The following HTT variants were observed in gnomAD, a reference collection of about 807,000 sequenced individuals.
The protein encoded by HTT is huntington disease protein.
Under a neutral mutation model 362.3 loss-of-function variants are expected in HTT, and 104 were observed. The ratio of observed to expected loss-of-function variants is 0.29; its 90% confidence interval spans 0.24 to 0.34. HTT has a LOEUF of 0.34. HTT is among the 10% of genes least tolerant of loss of function. HTT has a pLI of 1.00. For synonymous variants in HTT, 1,577 were observed against 1,548.7 expected (o/e 1.02, Z -0.43); for missense variants, 3,301 against 3,928.6 (o/e 0.84, Z 4.27).
In HTT at chr4:3,233,555, G is replaced by A. The variant is rs987868007; in HGVS notation, c.8456+202G>A. Among the ~76,000 whole-genome samples the A allele has an allele frequency of 3.3e-5, 5 of 152,210 alleles. No individual in the cohort carries two copies. The South Asian group carries it at 6.2e-4, about 19-fold the overall frequency. ...AGAGGCTTCCTCGGGCACCTCCAGC[G>A]AGCTGGAGCTCTCGCCTCTGCTGCT... On this transcript the variant is annotated intron_variant, in intron 61 of 66. Coordinates refer to ENST00000355072, the MANE Select transcript of HTT (RefSeq NM_001388492.1).
At chr4:3,127,707 T>C in intron 12 of HTT, 103 bp downstream of exon 12, 2 of 820,128 alleles carry the variant, frequency 2.4e-6, no homozygotes, top group Non-Finnish European at 3.8e-6. Flanking sequence ...CTCATGCCTG[T>C]AATCCCAGCA....
At chr4:3,223,233 C>T (rs868135385) in intron 54 of HTT, among the ~76,000 whole-genome samples, 173 bp from the exon 55 acceptor site, 22 of 152,222 alleles carry the variant, frequency 1.4e-4, no homozygotes, top group African/African-American at 4.8e-4. Flanking sequence ...TTTCAGGGCC[C>T]GTGTGTGCGG....
At chr4:3,145,300 C>A in intron 24 of HTT, 72 bp downstream of exon 24, 1 of 1,066,438 alleles carries the variant, frequency 9.4e-7, no homozygotes, top group South Asian at 1.3e-5. Context: ...ATTAGGATGC[C>A]CTTTTTCTTT....
At chr4:3,231,516 C>T (rs938496560) in intron 60 of HTT, among the ~76,000 whole-genome samples, 1 of 152,180 alleles carries the variant, frequency 6.6e-6, no homozygotes, top group Non-Finnish European at 1.5e-5. Context: ...ATGTCCGTGA[C>T]CTGGAGCCTG....
At chr4:3,115,192 G>A in intron 6 of HTT, 112 bp from the exon 7 acceptor site, 1 of 1,131,310 alleles carries the variant, frequency 8.8e-7, no homozygotes, top group Admixed American at 2.5e-5. Context: ...GCCTCAAACT[G>A]TTTATACTTT....
Position 3,132,812 on chromosome 4 carries a change from A to C in HTT, c.2396-2A>C. 1 of 1,613,878 alleles carries C rather than the reference A, an allele frequency of 6.2e-7. No individual in the cohort carries two copies. Among genetic ancestry groups the C allele is most frequent in the Non-Finnish European group, 8.5e-7 (1 of 1,179,704 alleles). On this transcript the variant is annotated splice_acceptor_variant, in intron 17 of 66. Transcript: ENST00000355072. LOFTEE classifies it high-confidence loss of function. ...ATGTTTGTTGCTTGTTCTTCTGGTT[A>C]GGAAATACATTTTCTTTGGCGGATT...
At chr4:3,143,553 C>T (rs900748194) in intron 23 of HTT, among the ~76,000 whole-genome samples, 3 of 150,820 alleles carry the variant, frequency 2.0e-5, no homozygotes, top group African/African-American at 7.3e-5. Flanking sequence ...GTAATATATA[C>T]TAAGGGAAAA....
In HTT at chr4:3,209,807, A is replaced by T. The variant is rs1316680633; in HGVS notation, c.6292-20A>T. On this transcript the variant is annotated intron_variant, in intron 46 of 66. Coordinates refer to ENST00000355072, the MANE Select transcript of HTT (RefSeq NM_001388492.1). ...GAACGCCGCCCATCATGTTCCCCTT[A>T]TCCATTTTTTTCTTCCCAGGACTGG... 17 of 1,612,442 alleles carry T rather than the reference A, an allele frequency of 1.1e-5. No homozygotes were observed. The highest frequency in any genetic ancestry group is 1.4e-5 in the Non-Finnish European group (16 of 1,179,202).
chr4:3,186,811 G>T, intron 38 of HTT, 92 bp downstream of exon 38: 86 of 702,472 alleles, frequency 1.2e-4, no homozygotes, highest in Non-Finnish European at 1.6e-4. Flanking sequence ...GAGTCAGTCA[G>T]TTTGGGTAGG....
At chr4:3,159,918 A>G (rs917040501) in intron 28 of HTT, among the ~76,000 whole-genome samples, 1 of 152,368 alleles carries the variant, frequency 6.6e-6, no homozygotes, top group South Asian at 2.1e-4. Context: ...ATCCTAGTGT[A>G]TAAGGAATAG....
intron 1 of HTT, among the ~76,000 whole-genome samples, chr4:3,076,897 G>T (rs1210835064): frequency 6.6e-6 from 1 of 152,110 alleles, no homozygotes; most frequent in Non-Finnish European, 1.5e-5. Flanking sequence ...ATTTAATCAG[G>T]ACTGGCAAGG....
intron 56 of HTT, 40 bp downstream of exon 56, chr4:3,224,171 G>T: frequency 6.2e-7 from 1 of 1,609,340 alleles, no homozygotes; most frequent in Non-Finnish European, 8.5e-7. Context: ...GTTGTACTTG[G>T]GCTAGAATGA....
At chr4:3,157,918 T>C (rs1418297619) in intron 28 of HTT, among the ~76,000 whole-genome samples, 4 of 152,180 alleles carry the variant, frequency 2.6e-5, no homozygotes, top group African/African-American at 9.7e-5. Flanking sequence ...CTCATAGTTC[T>C]CTAGTTTCAG....
chr4:3,135,226 A>G (rs985221265), intron 19 of HTT, among the ~76,000 whole-genome samples: 1 of 151,922 alleles, frequency 6.6e-6, no homozygotes, highest in Non-Finnish European at 1.5e-5. Context: ...CAGCTGGTTT[A>G]TATTTTGTTG....
At chr4:3,178,486 G>T in intron 35 of HTT, 40 bp downstream of exon 35, 1 of 1,599,760 alleles carries the variant, frequency 6.3e-7, no homozygotes, top group Non-Finnish European at 8.5e-7. Flanking sequence ...TCGGTGTCGT[G>T]ATGTGCTTGG....
Position 3,229,992 on chromosome 4 carries a change from G to T in HTT, c.8215G>T (p.Ala2739Ser), listed in dbSNP as rs772607321. 3 of 1,614,064 alleles carry T rather than the reference G, an allele frequency of 1.9e-6. No individual in the cohort carries two copies. The highest frequency in any genetic ancestry group is 1.3e-5 in the African/African-American group (1 of 75,062). Reference protein sequence around the residue: ...RVHPSEDEILAQYLVPATCKA... With the variant: ...RVHPSEDEILSQYLVPATCKA... ...GCACCCTTCAGAAGACGAGATCCTCGCTCAGTACCTGGTGCCTGCCACCTG... is the reference window on the plus strand; with the variant it reads ...GCACCCTTCAGAAGACGAGATCCTCTCTCAGTACCTGGTGCCTGCCACCTG... Residue 2739 changes from alanine (A) to serine (S), a missense_variant, in exon 60 of 67, where the codon GCT (alanine) becomes TCT (serine). By Grantham distance (99) the Ala-to-Ser change is moderately conservative (BLOSUM62 1). This residue lies in a region of HTT where 753 missense variants were observed against 1,021.3 expected (regional missense o/e 0.74). Transcript: ENST00000355072.
chr4:3,228,543 G>C lies in HTT; in HGVS notation c.7849-72G>C. On this transcript the variant is annotated intron_variant, in intron 57 of 66. Coordinates refer to ENST00000355072, the MANE Select transcript of HTT (RefSeq NM_001388492.1). The surrounding 1 kb of genome is among the most constrained non-coding windows in gnomAD (Gnocchi z 4.3). ...GACGGTAGGCATGTGCTGAGTCCCA[G>C]TGGCCACACCCACCCACCAGGAGCC... 14 of 1,492,214 alleles carry C rather than the reference G, an allele frequency of 9.4e-6. No homozygotes were observed. Among genetic ancestry groups the C allele is most frequent in the Admixed American group, 2.3e-5 (1 of 43,646 alleles). 92.4% of individuals were successfully genotyped at this position (1,492,214 alleles called of 1,614,324 possible). A position where few individuals can be genotyped will look rare whatever the true frequency, so the allele number is the denominator to read the frequency against.
At chr4:3,208,644 T>A (rs1474443751) in intron 45 of HTT, 129 bp from the exon 46 acceptor site, 8 of 817,922 alleles carry the variant, frequency 9.8e-6, no homozygotes, top group Non-Finnish European at 1.4e-5. Context: ...TATTTTCCTT[T>A]AAGAAGCCAC....
chr4:3,134,306 TTG>T, intron 18 of HTT, 93 bp from the exon 19 acceptor site: 1 of 1,047,294 alleles, frequency 9.5e-7, no homozygotes, highest in East Asian at 2.5e-5. Context: ...ACCCAGAACA[TTG>T]TGTGTTGAAG....
Sources: allele counts gnomAD v4.1 joint callset (sites outside exome capture counted in the v4.1 genomes callset), GRCh38; gene constraint gnomAD v4.1.1; regional missense constraint gnomAD v4.1.1; non-coding constraint Gnocchi (gnomAD v3.1); transcripts MANE v1.5; gene names NCBI Gene and HGNC (gene_info 2026-07-23, HGNC 2026-07-21).